Variants in FBXO4 observed in about 807,000 individuals in gnomAD.
FBXO4 encodes F-box protein 4.
A neutral mutation model predicts 43.7 loss-of-function variants in FBXO4; 36 were observed. That is an observed-to-expected ratio of 0.82 (90% CI 0.63 to 1.09). FBXO4 has a LOEUF of 1.09. Ranked by LOEUF, FBXO4 falls within the 50% of genes least tolerant of loss-of-function variation. FBXO4 has a pLI of 0.00. For missense variants in FBXO4, 435 were observed against 474.1 expected, an observed-to-expected ratio of 0.92 and a Z score of 0.77; for synonymous variants, 180 against 165.6, an observed-to-expected ratio of 1.09 and a Z score of -0.67.
the FBXO4 span, among the ~76,000 whole-genome samples, chr5:42,029,927 C>T: frequency 3.9e-5 from 6 of 151,980 alleles, no homozygotes; most frequent in Admixed American, 3.9e-4. Flanking sequence ...GAAAGGAGAA[C>T]TACAAACCAC....
the FBXO4 span, among the ~76,000 whole-genome samples, chr5:41,961,638 G>A: frequency 3.9e-5 from 6 of 152,164 alleles, no homozygotes; most frequent in African/African-American, 1.4e-4. Flanking sequence ...GATCCCTATG[G>A]TATCTAAGTC....
At chr5:42,003,825 C>A in the FBXO4 span, among the ~76,000 whole-genome samples, 1 of 152,036 alleles carries the variant, frequency 6.6e-6, no homozygotes, top group Admixed American at 6.6e-5. Context: ...GGTGATTCCT[C>A]AAGGATCTAG....
At chr5:41,978,659 C>T in the FBXO4 span, among the ~76,000 whole-genome samples, 1 of 151,986 alleles carries the variant, frequency 6.6e-6, no homozygotes, top group Admixed American at 6.6e-5. Context: ...TATTTAGTGG[C>T]CAAGTTTTTC....
At chr5:41,926,913 C>T (rs1751521633) in intron 1 of FBXO4, 100 bp from the exon 2 acceptor site, 5 of 631,498 alleles carry the variant, frequency 7.9e-6, no homozygotes, top group Non-Finnish European at 1.1e-5. Context: ...AAATACTAGT[C>T]AGTTGACCTT....
At chr5:41,959,148 G>A in the FBXO4 span, among the ~76,000 whole-genome samples, 2 of 152,154 alleles carry the variant, frequency 1.3e-5, no homozygotes, top group Admixed American at 1.3e-4. Flanking sequence ...GATTAGTGGT[G>A]TTGAGCATTT....
the FBXO4 span, among the ~76,000 whole-genome samples, chr5:42,022,358 C>A: frequency 4.6e-5 from 7 of 152,110 alleles, no homozygotes. Flanking sequence ...AAGTGCCCAG[C>A]CAGTGGCTGC....
At chr5:42,018,184 G>A in the FBXO4 span, among the ~76,000 whole-genome samples, 10 of 149,272 alleles carry the variant, frequency 6.7e-5, no homozygotes, top group African/African-American at 2.4e-4. Context: ...TAAAATATAT[G>A]TGTAATATTA....
rs1160310965 is a variant in FBXO4 at position 41,934,634 on chromosome 5, T to C, written c.898+326T>C. ...ATTCCAAAGTTTGGTACTAGAGCTA[T>C]ACAATATTTTTTTGCTTTATGCTTC... is the stretch of plus-strand genomic sequence containing the variant. On this transcript the variant is annotated intron_variant, in intron 5 of 6. Transcript: ENST00000281623. 3 of 1,143,544 alleles carry C rather than the reference T, an allele frequency of 2.6e-6. No individual in the cohort carries two copies. In the African/African-American group the frequency reaches 4.7e-5, roughly 18 times the overall value. 70.8% of individuals were successfully genotyped at this position (1,143,544 alleles called of 1,614,324 possible).
the FBXO4 span, among the ~76,000 whole-genome samples, chr5:42,030,946 A>T: frequency 1.3e-5 from 2 of 152,206 alleles, no homozygotes; most frequent in Non-Finnish European, 1.5e-5. Flanking sequence ...ATCATTAAAA[A>T]GTCAGGAAAC....
the FBXO4 span, among the ~76,000 whole-genome samples, chr5:41,978,692 T>C: frequency 1.3e-5 from 2 of 152,336 alleles, no homozygotes; most frequent in African/African-American, 4.8e-5. Context: ...TGTAGACACC[T>C]AACTTTCCCA....
At chr5:41,949,100 C>T in the FBXO4 span, among the ~76,000 whole-genome samples, 1 of 152,144 alleles carries the variant, frequency 6.6e-6, no homozygotes, top group African/African-American at 2.4e-5. Flanking sequence ...AACGCACAGC[C>T]TATATCATAC....
chr5:41,969,857 ATG>A, the FBXO4 span, among the ~76,000 whole-genome samples: 1 of 152,032 alleles, frequency 6.6e-6, no homozygotes. Context: ...AAACAAAACA[ATG>A]TGTGTGTGTT....
chr5:42,025,610 T>C, the FBXO4 span, among the ~76,000 whole-genome samples: 1 of 151,976 alleles, frequency 6.6e-6, no homozygotes. Flanking sequence ...TCAAGATTTT[T>C]TTTCCCAGAC....
chr5:42,002,876 T>C, the FBXO4 span, among the ~76,000 whole-genome samples: 1 of 152,216 alleles, frequency 6.6e-6, no homozygotes, highest in Non-Finnish European at 1.5e-5. Context: ...GCCCTGGTGC[T>C]TAGAAGCAAA....
chr5:41,966,502 C>T, the FBXO4 span, among the ~76,000 whole-genome samples: 1 of 152,080 alleles, frequency 6.6e-6, no homozygotes, highest in African/African-American at 2.4e-5. Flanking sequence ...GGGTAACATA[C>T]ATAAAATGAG....
the FBXO4 span, among the ~76,000 whole-genome samples, chr5:41,999,565 A>G: frequency 8.8e-5 from 12 of 137,106 alleles, no homozygotes; most frequent in South Asian, 4.4e-4. Flanking sequence ...ATATATATGT[A>G]TATATATATA....
chr5:42,007,815 G>A, the FBXO4 span, among the ~76,000 whole-genome samples: 1 of 152,090 alleles, frequency 6.6e-6, no homozygotes, highest in Non-Finnish European at 1.5e-5. Flanking sequence ...CCAACATATA[G>A]TAGACTAATC....
At chr5:41,965,931 A>G in the FBXO4 span, among the ~76,000 whole-genome samples, 1 of 152,244 alleles carries the variant, frequency 6.6e-6, no homozygotes, top group Non-Finnish European at 1.5e-5. Context: ...TGGATTAAGA[A>G]AATGTGGGAC....
the FBXO4 span, among the ~76,000 whole-genome samples, chr5:42,037,678 T>C: frequency 5.3e-5 from 8 of 152,218 alleles, no homozygotes; most frequent in East Asian, 1.5e-3. Flanking sequence ...TTTCATGTCC[T>C]GCATAACAGT....
Sources: allele counts gnomAD v4.1 joint callset (sites outside exome capture counted in the v4.1 genomes callset), GRCh38; gene constraint gnomAD v4.1.1; transcripts MANE v1.5; gene names NCBI Gene and HGNC (gene_info 2026-07-23, HGNC 2026-07-21).